UBP1: variants seen among roughly 807,000 people sequenced by gnomAD.
The protein encoded by UBP1 is upstream binding protein 1, also known as upstream-binding protein 1.
UBP1 carries 22 observed loss-of-function variants against 76.1 expected under a neutral mutation model. That is an observed-to-expected ratio of 0.29 (90% CI 0.21 to 0.41). The LOEUF is 0.41. Among genes scored for constraint, UBP1 ranks in the 10% least tolerant of loss-of-function variants. The probability of loss-of-function intolerance (pLI) is 1.00; values close to 1 mark genes in which losing one functional copy is unlikely to be tolerated. For synonymous variants in UBP1, 224 were observed against 237.1 expected, an observed-to-expected ratio of 0.94 and a Z score of 0.51; for missense variants, 436 against 668.1, an observed-to-expected ratio of 0.65 and a Z score of 3.83.
chr3:33,396,744 C>T, intron 12 of UBP1: 1 of 569,408 alleles, frequency 1.8e-6, no homozygotes, highest in Non-Finnish European at 3.3e-6. Context: ...GTATAGCTCA[C>T]CTAAATTAGA....
intron 13 of UBP1, among the ~76,000 whole-genome samples, chr3:33,394,266 A>C (rs1368092493): frequency 6.6e-6 from 1 of 151,292 alleles, no homozygotes; most frequent in Admixed American, 6.6e-5. Context: ...AAGCTGTCTC[A>C]AACTCCTGGG....
At chr3:33,394,397 G>C (rs1470546087) in intron 13 of UBP1, among the ~76,000 whole-genome samples, 1 of 151,890 alleles carries the variant, frequency 6.6e-6, no homozygotes, top group Non-Finnish European at 1.5e-5. Context: ...TTTATCCTAA[G>C]GAATAAAAGC....
Position 33,395,885 on chromosome 3 carries a change from G to A in UBP1, c.1390+277C>T, listed in dbSNP as rs1277004702. 2.7e-5 allele frequency among the ~76,000 whole-genome samples: 4 copies of A among 145,492 alleles called. No homozygotes were observed. The East Asian group carries it at 7.9e-4, about 29-fold the overall frequency. ...AAAAGCCAGAACTCAATGCATTCAA[G>A]CTAGTTTTTCCACTTGTTAGATATT... On this transcript the variant is annotated intron_variant, in intron 13 of 15. Coordinates refer to ENST00000283629, the MANE Select transcript of UBP1 (RefSeq NM_014517.5).
intron 9 of UBP1, among the ~76,000 whole-genome samples, chr3:33,401,608 C>T (rs574490561): frequency 2.4e-4 from 36 of 152,274 alleles, no homozygotes; most frequent in South Asian, 1.5e-3. Context: ...TCTTGAGCAC[C>T]GACTCCTTTC....
chr3:33,396,564 A>G (rs1263151593), intron 12 of UBP1: 1 of 425,430 alleles, frequency 2.4e-6, no homozygotes, highest in African/African-American at 2.0e-5. Flanking sequence ...AAAAATCAGT[A>G]AGATTCAATT....
Position 33,440,064 on chromosome 3 carries a change from G to A in UBP1, c.-216C>T, listed in dbSNP as rs1441451283. ...TTGCAGCGGGAGCGGCCGGGCCGCC[G>A]GCAGCGCCACCCTCCCGCGGACACC... On this transcript the variant is annotated 5_prime_UTR_variant, in exon 1 of 16. Coordinates refer to ENST00000283629, the MANE Select transcript of UBP1 (RefSeq NM_014517.5). 3 of 476,316 alleles carry A rather than the reference G, an allele frequency of 6.3e-6. No individual in the cohort carries two copies. The highest frequency in any genetic ancestry group is 3.7e-5 in the East Asian group (1 of 27,382). 29.5% of individuals were successfully genotyped at this position (476,316 alleles called of 1,614,324 possible). A position where few individuals can be genotyped will look rare whatever the true frequency, so the allele number is the denominator to read the frequency against.
chr3:33,418,738 A>T (rs1575481179), intron 2 of UBP1, among the ~76,000 whole-genome samples: 1 of 151,736 alleles, frequency 6.6e-6, no homozygotes, highest in East Asian at 2.0e-4. Flanking sequence ...GCATGCCTGT[A>T]ATCCCAGCTA....
Position 33,411,651 on chromosome 3 carries a change from G to A in UBP1, c.485C>T (p.Thr162Met), listed in dbSNP as rs1365897279. ...PMSVGIIDTR[T>M]NPSQLNAVEF... The stretch of plus-strand genomic sequence containing the variant: ...AACCGCATTTAACTGGCTTGGATTC[G>A]TCCTTGTGTCAATTATTCCCACAGA... Residue 162 changes from threonine to methionine, a missense_variant, in exon 5 of 16, where the codon ACG becomes ATG. Coordinates refer to ENST00000283629, the MANE Select transcript of UBP1 (RefSeq NM_014517.5). The A allele has an allele frequency of 5.6e-6, 9 of 1,613,954 alleles. No individual in the cohort carries two copies. In the Admixed American group the frequency reaches 6.7e-5, roughly 12 times the overall value.
chr3:33,420,110 C>T lies in UBP1; in HGVS notation c.266-3276G>A, dbSNP rs148769394. 3.9e-5 allele frequency among the ~76,000 whole-genome samples: 6 copies of T among 152,294 alleles called. 1 individual carries two copies. The highest frequency in any genetic ancestry group is 1.4e-4 in the African/African-American group (6 of 41,556). ...GGGCAACATGGAGCCCAAGATGTGA[C>T]AGCCCCCACTTTGCTAAATTCAATG... is the stretch of plus-strand genomic sequence containing the variant. On this transcript the variant is annotated intron_variant, in intron 2 of 15. Coordinates refer to ENST00000283629, the MANE Select transcript of UBP1 (RefSeq NM_014517.5).
chr3:33,425,995 G>C (rs1340753447), intron 1 of UBP1, among the ~76,000 whole-genome samples: 4 of 51,954 alleles, frequency 7.7e-5, no homozygotes, highest in African/African-American at 3.8e-4. Context: ...GGGCAGCTCT[G>C]AATATATATA....
At chr3:33,400,646 A>C (rs1220439629) in intron 10 of UBP1, among the ~76,000 whole-genome samples, 1 of 152,146 alleles carries the variant, frequency 6.6e-6, no homozygotes, top group Non-Finnish European at 1.5e-5. Flanking sequence ...GAGAGTGGAA[A>C]AATAGGTAAC....
At chr3:33,426,039 A>ATATT (rs61119304) in intron 1 of UBP1, among the ~76,000 whole-genome samples, 1 of 82,860 alleles carries the variant, frequency 1.2e-5, no homozygotes, top group Non-Finnish European at 2.3e-5. Flanking sequence ...ATATATATAT[A>ATATT]GCACTTTAAA....
chr3:33,434,405 TCTC>T (rs2045169410), intron 1 of UBP1, among the ~76,000 whole-genome samples: 2 of 149,662 alleles, frequency 1.3e-5, no homozygotes, highest in East Asian at 2.0e-4. Flanking sequence ...CACAGGCAAT[TCTC>T]CTGCCTCAGC....
chr3:33,404,712 T>C (rs2044370626), intron 8 of UBP1, among the ~76,000 whole-genome samples: 1 of 152,180 alleles, frequency 6.6e-6, no homozygotes, highest in Non-Finnish European at 1.5e-5. Flanking sequence ...CAGGTGATTT[T>C]CAATTATTTG....
At chr3:33,399,221 G>A (rs1458082211) in intron 11 of UBP1, among the ~76,000 whole-genome samples, 1 of 152,146 alleles carries the variant, frequency 6.6e-6, no homozygotes, top group Non-Finnish European at 1.5e-5. Context: ...GCCAGGCCAT[G>A]TTACTAGGTG....
intron 14 of UBP1, chr3:33,392,964 GTTTT>G (rs1226412538): frequency 3.2e-6 from 1 of 310,924 alleles, no homozygotes; most frequent in Admixed American, 4.9e-5. Flanking sequence ...TATCTTACAT[GTTTT>G]TTTAAATTAG....
At chr3:33,416,583 T>G (rs17639203) in intron 3 of UBP1, among the ~76,000 whole-genome samples, 175 bp downstream of exon 3, 5,076 of 152,330 alleles carry the variant, frequency 0.033, 126 homozygotes, top group Non-Finnish European at 0.053. Context: ...CTTTCAAAAT[T>G]ACTCTACCCA....
chr3:33,437,378 C>T (rs113887848), intron 1 of UBP1, among the ~76,000 whole-genome samples: 1 of 152,182 alleles, frequency 6.6e-6, no homozygotes, highest in African/African-American at 2.4e-5. Flanking sequence ...CAATCTCCCA[C>T]GTAGCTAGGT....
At chr3:33,401,680 A>G (rs1398446890) in intron 9 of UBP1, among the ~76,000 whole-genome samples, 3 of 152,186 alleles carry the variant, frequency 2.0e-5, no homozygotes, top group East Asian at 3.8e-4. Flanking sequence ...CTTTCTACCC[A>G]TAAGAACTTA....
Sources: gnomAD v4.1 joint callset for allele counts (sites outside exome capture counted in the v4.1 genomes callset) on GRCh38, gnomAD v4.1.1 for gene constraint, MANE v1.5 for transcripts, NCBI Gene and HGNC (gene_info 2026-07-23, HGNC 2026-07-21) for gene names.